The following GNAO1 variants were observed in gnomAD, a reference collection of about 807,000 sequenced individuals.
The protein encoded by GNAO1 is guanine nucleotide-binding protein G(o) subunit alpha.
For synonymous variants in GNAO1, 164 were observed against 180.7 expected (o/e 0.91, Z 0.74); for missense variants, 166 against 478.7 (o/e 0.35, Z 6.10).
intron 3 of GNAO1, among the ~76,000 whole-genome samples, chr16:56,324,599 G>A (rs570958355): frequency 8.3e-4 from 127 of 152,320 alleles, no homozygotes; most frequent in Non-Finnish European, 1.5e-3. Context: ...CGCCACCCCT[G>A]CTCACCCACC....
Position 56,351,746 on chromosome 16 carries a change from CT to C in GNAO1, c.877+210del. On this transcript the variant is annotated intron_variant, in intron 7 of 8. Transcript: ENST00000262493. The surrounding 1 kb of genome is among the most constrained non-coding windows in gnomAD (Gnocchi z 6.1). ...GCCCTCAGCGTGGTGGAAATGGCCC[CT>C]CCTAAGATATATGTGTTAGGACCAA... is the stretch of plus-strand genomic sequence containing the variant. 1 of 565,198 alleles carries C rather than the reference CT, an allele frequency of 1.8e-6. No homozygotes were observed. Among genetic ancestry groups the C allele is most frequent in the South Asian group, 2.1e-5 (1 of 48,072 alleles). 35.0% of individuals were successfully genotyped at this position (565,198 alleles called of 1,614,324 possible).
At chr16:56,279,471 A>G (rs535084163) in intron 3 of GNAO1, among the ~76,000 whole-genome samples, 1 of 151,958 alleles carries the variant, frequency 6.6e-6, no homozygotes, top group East Asian at 1.9e-4. Context: ...GGCCCCATGT[A>G]CTCTCACTCC....
chr16:56,220,954 G>A (rs1354352695), intron 2 of GNAO1, among the ~76,000 whole-genome samples: 1 of 152,050 alleles, frequency 6.6e-6, no homozygotes, highest in Admixed American at 6.5e-5. Context: ...CACCATCTTG[G>A]CCAGGCTGGT....
At chr16:56,303,312 C>G (rs1327541998) in intron 3 of GNAO1, among the ~76,000 whole-genome samples, 1 of 152,206 alleles carries the variant, frequency 6.6e-6, no homozygotes, top group Non-Finnish European at 1.5e-5. Flanking sequence ...CCCAAGCAAC[C>G]AAGTGGTGTG....
intron 3 of GNAO1, among the ~76,000 whole-genome samples, chr16:56,293,863 T>G (rs1429928752): frequency 6.6e-6 from 1 of 152,138 alleles, no homozygotes; most frequent in East Asian, 1.9e-4. Context: ...TCTCTGCACC[T>G]TTCCTCCTCT....
chr16:56,281,476 C>T (rs1181755143), intron 3 of GNAO1, among the ~76,000 whole-genome samples: 1 of 152,096 alleles, frequency 6.6e-6, no homozygotes, highest in Non-Finnish European at 1.5e-5. Context: ...TGCTCTGCCT[C>T]TCCTTCACTC....
intron 2 of GNAO1, among the ~76,000 whole-genome samples, chr16:56,252,070 G>A (rs1031620226): frequency 6.6e-6 from 1 of 152,158 alleles, no homozygotes; most frequent in Non-Finnish European, 1.5e-5. Context: ...TCATCCTCCC[G>A]CCCTCAAAGT....
rs181618408 is a variant in GNAO1, at chr16:56,269,781, G to C, written c.162-6150G>C. Among the ~76,000 whole-genome samples, 516 of 152,280 alleles carry C rather than the reference G, an allele frequency of 3.4e-3. 2 individuals carry two copies. The highest frequency in any genetic ancestry group is 5.6e-3 in the Non-Finnish European group (383 of 68,016). On this transcript the variant is annotated intron_variant, in intron 2 of 8. Coordinates refer to ENST00000262493, the MANE Select transcript of GNAO1 (RefSeq NM_020988.3). Reference sequence around the variant, plus strand: ...CCAACAGCCTAGGGCCTCTGAGTTTGTGACCCTCCAGAAGTTGGGGGGGAA... The same window carrying C: ...CCAACAGCCTAGGGCCTCTGAGTTTCTGACCCTCCAGAAGTTGGGGGGGAA...
chr16:56,333,786 C>T (rs993519964), intron 4 of GNAO1, among the ~76,000 whole-genome samples: 3 of 152,260 alleles, frequency 2.0e-5, no homozygotes, highest in Non-Finnish European at 2.9e-5. Flanking sequence ...GACCCCACAT[C>T]GTTCTGTGGT....
In GNAO1 at chr16:56,311,224, G is replaced by T. The variant is rs2037455228; in HGVS notation, c.304-17407G>T. Among the ~76,000 whole-genome samples, 1 of 152,060 alleles carries T rather than the reference G, an allele frequency of 6.6e-6. No homozygotes were observed. The highest frequency in any genetic ancestry group is 1.5e-5 in the Non-Finnish European group (1 of 68,022). On this transcript the variant is annotated intron_variant, in intron 3 of 8. Coordinates refer to ENST00000262493, the MANE Select transcript of GNAO1 (RefSeq NM_020988.3). The surrounding 1 kb of genome is among the most constrained non-coding windows in gnomAD (Gnocchi z 5.2). ...TGGAAGGGGGTAAGAGGAGTGACAGGGATGAAGGAAAGCAAGAAATGCCTT... is the reference window on the plus strand; with the variant it reads ...TGGAAGGGGGTAAGAGGAGTGACAGTGATGAAGGAAAGCAAGAAATGCCTT...
chr16:56,267,665 G>A (rs112666605), intron 2 of GNAO1, among the ~76,000 whole-genome samples: 15 of 152,262 alleles, frequency 9.9e-5, no homozygotes, highest in Middle Eastern at 3.4e-3. Context: ...CCTTCAGGTC[G>A]TATTTTCCCC....
rs1048653494 is a variant in GNAO1 at position 56,327,500 on chromosome 16, G to A, written c.304-1131G>A. 3.9e-5 allele frequency among the ~76,000 whole-genome samples: 6 copies of A among 152,212 alleles called. 1 individual carries two copies. The East Asian group carries it at 9.7e-4, about 25-fold the overall frequency. On this transcript the variant is annotated intron_variant, in intron 3 of 8. Transcript: ENST00000262493. The stretch of plus-strand genomic sequence containing the variant: ...CTGAGGTGGGGGAGGTTCTGAGGAC[G>A]GAGTGTGTTCACCAAATCCTTTGTA...
chr16:56,285,673 C>G (rs2037159187), intron 3 of GNAO1, among the ~76,000 whole-genome samples: 1 of 152,246 alleles, frequency 6.6e-6, no homozygotes, highest in African/African-American at 2.4e-5. Flanking sequence ...TTAAATGCAT[C>G]TACTTAACAA....
chr16:56,200,847 T>C (rs2036276131), intron 2 of GNAO1, among the ~76,000 whole-genome samples: 1 of 152,202 alleles, frequency 6.6e-6, no homozygotes, highest in Non-Finnish European at 1.5e-5. Flanking sequence ...AGCAACCATC[T>C]GGACAGGCCT....
intron 2 of GNAO1, among the ~76,000 whole-genome samples, chr16:56,247,128 G>A (rs544412679): frequency 7.2e-5 from 11 of 152,002 alleles, no homozygotes; most frequent in Non-Finnish European, 1.3e-4. Context: ...GCTCCCCTCC[G>A]TTGCTGTCAC....
At chr16:56,302,285 C>T (rs1472699040) in intron 3 of GNAO1, 1 of 152,664 alleles carries the variant, frequency 6.6e-6, no homozygotes, top group Non-Finnish European at 1.5e-5. Context: ...GCCTCTGCTT[C>T]CCAGCCAGCC....
intron 3 of GNAO1, chr16:56,301,056 C>G (rs1596851578): frequency 6.6e-6 from 1 of 152,302 alleles, no homozygotes. Context: ...TCTCCCAGCC[C>G]AGGGCAAGGC....
intron 3 of GNAO1, among the ~76,000 whole-genome samples, chr16:56,281,879 G>A (rs2143536272): frequency 6.6e-6 from 1 of 152,326 alleles, no homozygotes; most frequent in South Asian, 2.1e-4. Flanking sequence ...TATTAATATA[G>A]TTCATCATAC....
intron 3 of GNAO1, among the ~76,000 whole-genome samples, chr16:56,281,864 G>A (rs573588452): frequency 6.6e-6 from 1 of 152,338 alleles, no homozygotes; most frequent in East Asian, 1.9e-4. Flanking sequence ...CTTTGAACAA[G>A]CCTGTATTAA....
Sources: allele counts gnomAD v4.1 joint callset (sites outside exome capture counted in the v4.1 genomes callset), GRCh38; gene constraint gnomAD v4.1.1; non-coding constraint Gnocchi (gnomAD v3.1); transcripts MANE v1.5; gene names NCBI Gene and HGNC (gene_info 2026-07-23, HGNC 2026-07-21).